Variants in GTF2I observed in about 807,000 individuals in gnomAD.
GTF2I encodes the protein general transcription factor II-I.
Under a neutral mutation model 67.6 loss-of-function variants are expected in GTF2I, and 12 were observed. The ratio of observed to expected loss-of-function variants is 0.18; its 90% confidence interval spans 0.11 to 0.29. The LOEUF (loss-of-function observed/expected upper bound fraction) is 0.29, where lower values mean the gene tolerates loss of function less well. GTF2I is among the 10% of genes least tolerant of loss of function. The pLI is 1.00. For missense variants in GTF2I, 271 were observed against 580.1 expected (o/e 0.47, Z 5.47); for synonymous variants, 149 against 197.0 (o/e 0.76, Z 2.04).
intron 12 of GTF2I, among the ~76,000 whole-genome samples, chr7:74,720,592 C>T (rs35005436): frequency 0.88 from 133,887 of 152,200 alleles, 59,085 homozygotes; most frequent in East Asian, 0.98. Context: ...AGGAAAAAAA[C>T]TTAAGAACAT....
intron 9 of GTF2I, among the ~76,000 whole-genome samples, chr7:74,711,892 G>A (rs1158655742): frequency 1.3e-5 from 2 of 151,540 alleles, no homozygotes; most frequent in Admixed American, 6.6e-5. Flanking sequence ...ATTACAAATA[G>A]AGGTACTATG....
intron 8 of GTF2I, among the ~76,000 whole-genome samples, chr7:74,709,693 G>A (rs1339562377): frequency 6.7e-6 from 1 of 149,370 alleles, no homozygotes; most frequent in Admixed American, 6.7e-5. Context: ...TTTTTTTTGA[G>A]ACGGAGTCTT....
chr7:74,738,896 CAA>C (rs1299929887), intron 19 of GTF2I, among the ~76,000 whole-genome samples: 18 of 4,794 alleles, frequency 3.8e-3, no homozygotes, highest in African/African-American at 7.3e-3. Context: ...CCTAAAATGG[CAA>C]AGACTGTAAC....
At chr7:74,667,558 C>T (rs373292075) in intron 1 of GTF2I, among the ~76,000 whole-genome samples, 14 of 152,158 alleles carry the variant, frequency 9.2e-5, no homozygotes, top group African/African-American at 2.6e-4. Flanking sequence ...CTCTGTTGCC[C>T]AGGCTGGAGT....
At chr7:74,718,626 A>AT (rs1345855274) in intron 11 of GTF2I, among the ~76,000 whole-genome samples, 4 of 152,152 alleles carry the variant, frequency 2.6e-5, no homozygotes, top group African/African-American at 9.7e-5. Flanking sequence ...AGACTATGGG[A>AT]TTTTTTTGAG....
chr7:74,714,382 G>A (rs782788251), intron 9 of GTF2I, among the ~76,000 whole-genome samples: 5 of 152,016 alleles, frequency 3.3e-5, no homozygotes, highest in African/African-American at 4.8e-5. Flanking sequence ...GATGGTTTAC[G>A]TTATTTTAGA....
At chr7:74,660,517 T>C (rs1804380954) in intron 1 of GTF2I, among the ~76,000 whole-genome samples, 1 of 152,162 alleles carries the variant, frequency 6.6e-6, no homozygotes, top group Non-Finnish European at 1.5e-5. Flanking sequence ...TATTGCATAG[T>C]CAGAGTTTGT....
chr7:74,664,473 G>A lies in GTF2I; in HGVS notation c.-6+6405G>A, dbSNP rs1393056903. Among the ~76,000 whole-genome samples the A allele has an allele frequency of 2.6e-5, 4 of 151,906 alleles. No individual in the cohort carries two copies. In the South Asian group the frequency reaches 8.3e-4, roughly 32 times the overall value. Reference sequence around the variant, plus strand: ...TTTTGAGAAGGAGTCTCCCTCTGTCGCACAGGCTAAAGTGCAATGGCGCGA... The same window carrying A: ...TTTTGAGAAGGAGTCTCCCTCTGTCACACAGGCTAAAGTGCAATGGCGCGA... On this transcript the variant is annotated intron_variant, in intron 1 of 34. Transcript: ENST00000573035.
intron 12 of GTF2I, among the ~76,000 whole-genome samples, chr7:74,720,399 T>C (rs1229326675): frequency 2.0e-5 from 3 of 152,234 alleles, no homozygotes; most frequent in Admixed American, 6.5e-5. Flanking sequence ...GCTTCTAAAA[T>C]ATAAGTCAAT....
intron 1 of GTF2I, among the ~76,000 whole-genome samples, chr7:74,683,965 CTT>C (rs1787478815): frequency 6.6e-6 from 1 of 151,912 alleles, no homozygotes; most frequent in South Asian, 2.1e-4. Flanking sequence ...TCCACGGCCT[CTT>C]TTACTGGGAG....
At chr7:74,659,952 T>A (rs587614367) in intron 1 of GTF2I, among the ~76,000 whole-genome samples, 1 of 152,134 alleles carries the variant, frequency 6.6e-6, no homozygotes, top group Non-Finnish European at 1.5e-5. Context: ...AGTTTGCAAA[T>A]GAGAACGTGC....
intron 3 of GTF2I, among the ~76,000 whole-genome samples, chr7:74,696,712 C>T (rs1199091838): frequency 6.6e-6 from 1 of 151,972 alleles, no homozygotes; most frequent in Non-Finnish European, 1.5e-5. Flanking sequence ...CCAGACTGAT[C>T]TTAAACTCCT....
chr7:74,702,536 A>G (rs1789946036), intron 6 of GTF2I, among the ~76,000 whole-genome samples: 1 of 152,150 alleles, frequency 6.6e-6, no homozygotes, highest in African/African-American at 2.4e-5. Context: ...TGAACTTTGA[A>G]GAAACTGACA....
chr7:74,753,517 T>C (rs1795962279), intron 29 of GTF2I, among the ~76,000 whole-genome samples: 1 of 148,088 alleles, frequency 6.8e-6, no homozygotes, highest in African/African-American at 2.5e-5. Context: ...ACTAAAAAAT[T>C]CAAAAAATTA....
intron 12 of GTF2I, chr7:74,726,860 GA>G (rs1793858413): frequency 2.0e-5 from 3 of 150,814 alleles, no homozygotes; most frequent in African/African-American, 2.4e-5. Flanking sequence ...TAGATAGATA[GA>G]TAGATAGATA....
chr7:74,659,013 C>CA (rs1293804700), intron 1 of GTF2I, among the ~76,000 whole-genome samples: 3 of 152,126 alleles, frequency 2.0e-5, no homozygotes, highest in Non-Finnish European at 2.9e-5. Context: ...TGGGGATGTT[C>CA]ACAGGTGGGG....
chr7:74,676,423 T>A (rs1165025593), intron 1 of GTF2I, among the ~76,000 whole-genome samples: 1 of 152,022 alleles, frequency 6.6e-6, no homozygotes, highest in African/African-American at 2.4e-5. Context: ...TTTGCAGCCA[T>A]CTTGGGCAAC....
intron 1 of GTF2I, among the ~76,000 whole-genome samples, chr7:74,659,096 AATT>A (rs1391620465): frequency 1.3e-5 from 2 of 152,036 alleles, no homozygotes; most frequent in Admixed American, 1.3e-4. Context: ...TTTTAAAAAA[AATT>A]ATTTGTGGAG....
At chr7:74,669,232 T>C (rs1486838669) in intron 1 of GTF2I, among the ~76,000 whole-genome samples, 1 of 143,862 alleles carries the variant, frequency 7.0e-6, no homozygotes, top group Admixed American at 7.0e-5. Context: ...TAGTTTTTTT[T>C]TTTTTTTTTT....
Sources: gnomAD v4.1 joint callset for allele counts (sites outside exome capture counted in the v4.1 genomes callset) on GRCh38, gnomAD v4.1.1 for gene constraint, MANE v1.5 for transcripts, NCBI Gene and HGNC (gene_info 2026-07-23, HGNC 2026-07-21) for gene names.